TNNI3K: variants seen among roughly 807,000 people sequenced by gnomAD.
The protein encoded by TNNI3K is serine/threonine-protein kinase TNNI3K.
A neutral mutation model predicts 114.5 loss-of-function variants in TNNI3K; 140 were observed. The ratio of observed to expected loss-of-function variants is 1.22; its 90% CI spans 1.07 to 1.41. The LOEUF (loss-of-function observed/expected upper bound fraction) is 1.41, where lower values mean the gene tolerates loss of function less well. Among genes scored for constraint, TNNI3K ranks in the 40% most tolerant of loss-of-function variants. The pLI, the probability that TNNI3K is intolerant of heterozygous loss-of-function variation, is 0.00. For synonymous variants in TNNI3K, 347 were observed against 347.5 expected, an observed-to-expected ratio of 1.00 and a Z score of 0.02; for missense variants, 1,125 against 1,007.6, an observed-to-expected ratio of 1.12 and a Z score of -1.58.
At chr1:74,300,150 G>A (rs186511759) in intron 5 of TNNI3K, among the ~76,000 whole-genome samples, 372 of 152,206 alleles carry the variant, frequency 2.4e-3, no homozygotes, top group African/African-American at 8.6e-3. Flanking sequence ...AGAAATCTAA[G>A]CAACACACTG....
chr1:74,431,100 G>A (rs1480167739), intron 17 of TNNI3K, among the ~76,000 whole-genome samples: 1 of 152,094 alleles, frequency 6.6e-6, no homozygotes, highest in Non-Finnish European at 1.5e-5. Context: ...TACTTATTTA[G>A]CAGTTCAGAA....
chr1:74,239,715 C>G (rs1053994210), intron 2 of TNNI3K, among the ~76,000 whole-genome samples: 1 of 152,142 alleles, frequency 6.6e-6, no homozygotes, highest in Non-Finnish European at 1.5e-5. Flanking sequence ...ACATAATACA[C>G]CATTGCTCTA....
intron 21 of TNNI3K, chr1:74,480,710 T>C (rs1394980041): frequency 1.4e-6 from 1 of 717,324 alleles, no homozygotes; most frequent in African/African-American, 1.7e-5. Context: ...GAGAGCATTA[T>C]TGCTCAGCAC....
At chr1:74,434,086 C>A (rs1210278673) in intron 17 of TNNI3K, among the ~76,000 whole-genome samples, 3 of 151,848 alleles carry the variant, frequency 2.0e-5, no homozygotes, top group Admixed American at 6.6e-5. Context: ...TAATTGCATT[C>A]TAAAATTATT....
chr1:74,457,327 TTAATC>T (rs760560537), intron 20 of TNNI3K, among the ~76,000 whole-genome samples: 1 of 152,194 alleles, frequency 6.6e-6, no homozygotes, highest in Non-Finnish European at 1.5e-5. Flanking sequence ...ATGGAACAAA[TTAATC>T]TATTCTTCTG....
At chr1:74,244,142 A>G (rs1654410975) in intron 2 of TNNI3K, among the ~76,000 whole-genome samples, 1 of 152,168 alleles carries the variant, frequency 6.6e-6, no homozygotes, top group South Asian at 2.1e-4. Flanking sequence ...TAGCCCCCAA[A>G]GTAACTCTCA....
At chr1:74,501,532 G>A (rs1045219731) in intron 23 of TNNI3K, among the ~76,000 whole-genome samples, 2 of 151,814 alleles carry the variant, frequency 1.3e-5, no homozygotes, top group Non-Finnish European at 2.9e-5. Flanking sequence ...TGTCACCCAG[G>A]CTAGAGTGCA....
At position 74,354,512 on chromosome 1, in the gene TNNI3K, G is replaced by T. The variant is rs552501081; in HGVS notation, c.1177+383G>T. Among the ~76,000 whole-genome samples the T allele has an allele frequency of 9.2e-5, 14 of 152,182 alleles. No individual in the cohort carries two copies. The South Asian group carries it at 2.9e-3, about 32-fold the overall frequency. ...GAAAGAAGTACAAGGGGGGGGGAAAGAAATATTTGTCAGATCTAACCCTGC... is the reference window on the plus strand; with the variant it reads ...GAAAGAAGTACAAGGGGGGGGGAAATAAATATTTGTCAGATCTAACCCTGC... On this transcript the variant is annotated intron_variant, in intron 11 of 24. Coordinates refer to ENST00000326637, the MANE Select transcript of TNNI3K (RefSeq NM_015978.3).
intron 17 of TNNI3K, among the ~76,000 whole-genome samples, chr1:74,400,390 G>T (rs1664295804): frequency 6.6e-6 from 1 of 152,162 alleles, no homozygotes. Flanking sequence ...ACTGGATATG[G>T]GGATGTAAAT....
chr1:74,500,979 T>C (rs902940795), intron 23 of TNNI3K, among the ~76,000 whole-genome samples: 48 of 152,176 alleles, frequency 3.2e-4, no homozygotes, highest in Non-Finnish European at 8.8e-5. Flanking sequence ...TGTGATATAT[T>C]ATGTTTCCAG....
chr1:74,544,246 C>T lies in TNNI3K; in HGVS notation c.*264C>T, dbSNP rs1361173149. ...AATTAAAAAAAAATTTAGATCGTTA[C>T]TTGGAAATGGAGCCTAAGTCTGTGG... On this transcript the variant is annotated 3_prime_UTR_variant, in exon 25 of 25. Transcript: ENST00000326637. 2 of 382,370 alleles carry T rather than the reference C, an allele frequency of 5.2e-6. No homozygotes were observed. Among genetic ancestry groups the T allele is most frequent in the African/African-American group, 2.1e-5 (1 of 46,876 alleles). 23.7% of individuals were successfully genotyped at this position (382,370 alleles called of 1,614,324 possible).
rs1362637619 is a variant in TNNI3K at position 74,402,883 on chromosome 1, A to G, written c.1772+32491A>G. On this transcript the variant is annotated intron_variant, in intron 17 of 24. Transcript: ENST00000326637. ...ACATTATGAGTTTTTATTTTTTTTT[A>G]GCTCATCAGCTATCATTAGTGTTAG... Among the ~76,000 whole-genome samples, 3 of 151,962 alleles carry G rather than the reference A, an allele frequency of 2.0e-5. No homozygotes were observed. In the East Asian group the frequency reaches 5.8e-4, roughly 29 times the overall value.
intron 17 of TNNI3K, chr1:74,371,331 T>A (rs1025585645): frequency 6.6e-6 from 1 of 151,846 alleles, no homozygotes; most frequent in East Asian, 1.9e-4. Flanking sequence ...AGTGGGACGT[T>A]CATAGACTAC....
intron 21 of TNNI3K, chr1:74,483,210 C>A (rs557210476): frequency 3.2e-5 from 23 of 711,270 alleles, no homozygotes; most frequent in Non-Finnish European, 6.0e-5. Context: ...GTATGGCAAC[C>A]AATTTTCCAG....
chr1:74,492,253 G>C lies in TNNI3K; in HGVS notation c.2338G>C (p.Ala780Pro), dbSNP rs1260579738. ...TGCTCTAAATGCAAGGTCCTATGCTGCTTTGTCCCAAAGGTGAGTGGTAAT... is the reference window on the plus strand; with the variant it reads ...TGCTCTAAATGCAAGGTCCTATGCTCCTTTGTCCCAAAGGTGAGTGGTAAT... Reference protein sequence around the residue: ...EYALNARSYAALSQSAGQYSS... With the variant: ...EYALNARSYAPLSQSAGQYSS... The change falls in exon 23 of 25, where the codon GCT (alanine) becomes CCT (proline). Residue 780 changes from alanine to proline, a missense_variant. Coordinates refer to ENST00000326637, the MANE Select transcript of TNNI3K (RefSeq NM_015978.3). 4 of 1,575,910 alleles carry C rather than the reference G, an allele frequency of 2.5e-6. No individual in the cohort carries two copies. The East Asian group carries it at 9.0e-5, about 36-fold the overall frequency.
At chr1:74,349,981 C>T (rs1374870948) in intron 9 of TNNI3K, among the ~76,000 whole-genome samples, 1 of 152,118 alleles carries the variant, frequency 6.6e-6, no homozygotes, top group Non-Finnish European at 1.5e-5. Flanking sequence ...TGCAGTTCTG[C>T]TCTGATCTTA....
chr1:74,351,991 C>G (rs1349655534), intron 9 of TNNI3K, among the ~76,000 whole-genome samples: 1 of 152,138 alleles, frequency 6.6e-6, no homozygotes, highest in African/African-American at 2.4e-5. Flanking sequence ...TTCCGTCCAG[C>G]TTTGTTCCAT....
chr1:74,267,351 C>A (rs567761718), intron 4 of TNNI3K, among the ~76,000 whole-genome samples: 1 of 151,922 alleles, frequency 6.6e-6, no homozygotes, highest in South Asian at 2.1e-4. Context: ...TTAAATACAG[C>A]AAAAGTATGT....
intron 9 of TNNI3K, among the ~76,000 whole-genome samples, chr1:74,351,426 A>G (rs1661332972): frequency 6.6e-6 from 1 of 151,356 alleles, no homozygotes; most frequent in Non-Finnish European, 1.5e-5. Context: ...AACTTTGGTG[A>G]ATCTGACAAT....
Sources: gnomAD v4.1 joint callset for allele counts (sites outside exome capture counted in the v4.1 genomes callset) on GRCh38, gnomAD v4.1.1 for gene constraint, MANE v1.5 for transcripts, NCBI Gene and HGNC (gene_info 2026-07-23, HGNC 2026-07-21) for gene names.